The following ARHGEF10L variants were observed in gnomAD, a reference collection of about 807,000 sequenced individuals.
ARHGEF10L encodes the protein rho guanine nucleotide exchange factor 10-like protein.
In ARHGEF10L, 69 loss-of-function variants were observed where a neutral mutation model predicts 141.2. The observed-to-expected ratio is 0.49, with a 90% CI of 0.40 to 0.60. The LOEUF (loss-of-function observed/expected upper bound fraction) is 0.60, where lower values mean the gene tolerates loss of function less well. ARHGEF10L is among the 20% of genes least tolerant of loss of function. The pLI is 0.00. For synonymous variants in ARHGEF10L, 711 were observed against 718.5 expected (o/e 0.99, Z 0.17); for missense variants, 1,482 against 1,734.3 (o/e 0.85, Z 2.58).
chr1:17,683,032 A>G (rs2064246075), intron 26 of ARHGEF10L, among the ~76,000 whole-genome samples: 1 of 152,106 alleles, frequency 6.6e-6, no homozygotes, highest in South Asian at 2.1e-4. Context: ...AATGAGCTGC[A>G]TGGCCTGGCA....
intron 2 of ARHGEF10L, among the ~76,000 whole-genome samples, chr1:17,582,137 C>T (rs1035314720): frequency 2.0e-5 from 3 of 152,082 alleles, no homozygotes; most frequent in South Asian, 2.1e-4. Flanking sequence ...GCCTGATTGC[C>T]GGGGGGAGGA....
intron 19 of ARHGEF10L, 29 bp downstream of exon 19, chr1:17,638,032 C>A: frequency 6.5e-7 from 1 of 1,549,686 alleles, no homozygotes; most frequent in South Asian, 1.2e-5. Flanking sequence ...CCTTTTTGGC[C>A]TGAGCTCCCC....
intron 20 of ARHGEF10L, 136 bp downstream of exon 20, chr1:17,638,825 G>T: frequency 7.6e-7 from 1 of 1,310,358 alleles, no homozygotes; most frequent in Non-Finnish European, 1.0e-6. Context: ...AGGCATCGTG[G>T]GCCATGTCTG....
rs369878049 is a variant in ARHGEF10L at position 17,640,340 on chromosome 1, G to A, written c.2272+38G>A. On this transcript the variant is annotated intron_variant, in intron 21 of 28. Transcript: ENST00000361221. ...CCAGGGAGAGTGCCTCAGGGGGCAG[G>A]GGTGTGGAACGGGGAGGTTTGGGGT... is the stretch of plus-strand genomic sequence containing the variant. 5 of 1,561,390 alleles carry A rather than the reference G, an allele frequency of 3.2e-6. No homozygotes were observed. In the African/African-American group the frequency reaches 5.4e-5, roughly 17 times the overall value.
intron 1 of ARHGEF10L, among the ~76,000 whole-genome samples, chr1:17,556,072 C>CA (rs2077295997): frequency 9.9e-6 from 1 of 100,574 alleles, no homozygotes; most frequent in Non-Finnish European, 2.0e-5. Context: ...CCTGGGAGCA[C>CA]GGGGGTGGGC....
At chr1:17,630,050 G>A (rs565761959) in intron 15 of ARHGEF10L, among the ~76,000 whole-genome samples, 1 of 152,366 alleles carries the variant, frequency 6.6e-6, no homozygotes, top group East Asian at 1.9e-4. Flanking sequence ...CATTTGCTGG[G>A]TGAGGGTAGG....
chr1:17,667,883 C>A (rs542584141), intron 26 of ARHGEF10L, among the ~76,000 whole-genome samples: 2 of 152,280 alleles, frequency 1.3e-5, no homozygotes, highest in Admixed American at 6.5e-5. Context: ...TTGCCTGTGT[C>A]CCGGCCACTT....
At chr1:17,652,282 C>T (rs921880376) in intron 22 of ARHGEF10L, among the ~76,000 whole-genome samples, 1 of 152,046 alleles carries the variant, frequency 6.6e-6, no homozygotes, top group Non-Finnish European at 1.5e-5. Context: ...CTGACAGTGG[C>T]CCCTGCCCAC....
intron 9 of ARHGEF10L, among the ~76,000 whole-genome samples, chr1:17,616,947 G>A (rs953329039): frequency 1.2e-4 from 18 of 152,186 alleles, no homozygotes; most frequent in African/African-American, 4.1e-4. Flanking sequence ...GCTGCCCTAT[G>A]AGCCTACAGT....
intron 16 of ARHGEF10L, 152 bp from the exon 17 acceptor site, chr1:17,634,396 G>A: frequency 8.0e-7 from 1 of 1,257,370 alleles, no homozygotes; most frequent in East Asian, 2.3e-5. Flanking sequence ...GTCCACACCT[G>A]GCCTCTGATG....
At chr1:17,609,749 G>A (rs1328212741) in intron 7 of ARHGEF10L, among the ~76,000 whole-genome samples, 1 of 152,188 alleles carries the variant, frequency 6.6e-6, no homozygotes, top group East Asian at 1.9e-4. Flanking sequence ...TTGGAGCTGG[G>A]CTTAGGAGCT....
chr1:17,591,746 A>G (rs2079564394), intron 4 of ARHGEF10L, among the ~76,000 whole-genome samples: 2 of 151,148 alleles, frequency 1.3e-5, no homozygotes, highest in Admixed American at 1.3e-4. Context: ...TGGAGATCTC[A>G]CTCTGTTGCC....
chr1:17,686,096 TTCTTTCTTTC>T (rs2064560139), intron 26 of ARHGEF10L, among the ~76,000 whole-genome samples: 1 of 146,566 alleles, frequency 6.8e-6, no homozygotes, highest in East Asian at 2.0e-4. Flanking sequence ...CTTTCTTTCT[TTCTTTCTTTC>T]TTTTTTTTTT....
intron 11 of ARHGEF10L, 110 bp downstream of exon 11, chr1:17,622,051 A>G: frequency 9.1e-7 from 1 of 1,098,406 alleles, no homozygotes. Flanking sequence ...AGGGGACAGG[A>G]CCATAAGCCA....
chr1:17,659,583 G>A (rs573053676), intron 25 of ARHGEF10L, among the ~76,000 whole-genome samples: 3 of 152,258 alleles, frequency 2.0e-5, no homozygotes, highest in East Asian at 1.9e-4. Flanking sequence ...CATCAACCTC[G>A]CAGGCTCTGT....
At chr1:17,688,095 A>G (rs1024839765) in intron 27 of ARHGEF10L, among the ~76,000 whole-genome samples, 1 of 152,230 alleles carries the variant, frequency 6.6e-6, no homozygotes, top group Non-Finnish European at 1.5e-5. Flanking sequence ...CAGGTTGACC[A>G]AACACCCAAT....
chr1:17,557,759 C>G (rs889001811), intron 1 of ARHGEF10L, among the ~76,000 whole-genome samples: 1 of 152,228 alleles, frequency 6.6e-6, no homozygotes, highest in East Asian at 1.9e-4. Flanking sequence ...AGGCCAGACA[C>G]AGTCTCGGAC....
chr1:17,602,322 G>T (rs576455503), intron 5 of ARHGEF10L, 104 bp downstream of exon 5: 1,419 of 1,328,738 alleles, frequency 1.1e-3, no homozygotes, highest in Non-Finnish European at 1.3e-3. Flanking sequence ...TGAGCCCAGG[G>T]TTCATCCTCA....
intron 18 of ARHGEF10L, among the ~76,000 whole-genome samples, chr1:17,635,310 C>T (rs527397901): frequency 2.0e-4 from 31 of 152,216 alleles, no homozygotes; most frequent in Non-Finnish European, 3.7e-4. Context: ...GCTCTTCCTC[C>T]CTCCTCCTAC....
Sources: gnomAD v4.1 joint callset for allele counts (sites outside exome capture counted in the v4.1 genomes callset) on GRCh38, gnomAD v4.1.1 for gene constraint, MANE v1.5 for transcripts, NCBI Gene and HGNC (gene_info 2026-07-23, HGNC 2026-07-21) for gene names.